Variants in POLR3B observed in about 807,000 individuals in gnomAD.
POLR3B encodes the protein DNA-directed RNA polymerase III subunit RPC2.
A neutral mutation model predicts 147.4 loss-of-function variants in POLR3B; 96 were observed. That is an observed-to-expected ratio of 0.65 (90% CI 0.55 to 0.77). The LOEUF is 0.77. POLR3B is among the 30% of genes least tolerant of loss of function. The pLI is 0.00. For synonymous variants in POLR3B, 461 were observed against 485.9 expected (o/e 0.95, Z 0.67); for missense variants, 1,036 against 1,413.5 (o/e 0.73, Z 4.28).
chr12:106,471,450 G>T (rs761651744), intron 23 of POLR3B, among the ~76,000 whole-genome samples: 1 of 152,122 alleles, frequency 6.6e-6, no homozygotes, highest in Non-Finnish European at 1.5e-5. Flanking sequence ...CCCTGCTTCA[G>T]CTTGCCTTCC....
At chr12:106,369,553 G>A (rs373067952) in intron 5 of POLR3B, 30 bp from the exon 6 acceptor site, 53 of 1,427,512 alleles carry the variant, frequency 3.7e-5, no homozygotes, top group Non-Finnish European at 4.9e-5. Flanking sequence ...GAGAGGAGCA[G>A]TAACTGTCAG....
At chr12:106,434,638 C>CA (rs1216596781) in intron 16 of POLR3B, among the ~76,000 whole-genome samples, 4 of 151,864 alleles carry the variant, frequency 2.6e-5, no homozygotes, top group Non-Finnish European at 5.9e-5. Flanking sequence ...CAGCTGAGGA[C>CA]ATTGCCTTGT....
intron 19 of POLR3B, chr12:106,446,417 C>CA (rs10654233): frequency 0.016 from 2,481 of 158,212 alleles, 36 homozygotes; most frequent in South Asian, 0.033. Flanking sequence ...CCTCTCCCCA[C>CA]AAAAAAAAAA....
Position 106,471,940 on chromosome 12 carries a change from C to T in POLR3B, c.2713+8320C>T, listed in dbSNP as rs568959710. 1.1e-3 allele frequency among the ~76,000 whole-genome samples: 159 copies of T among 139,372 alleles called. 1 individual carries two copies. The highest frequency in any genetic ancestry group is 2.7e-4 in the Non-Finnish European group (17 of 64,034). The allele number at this position is 139,372 out of a possible 152,430, so 91.4% of individuals were successfully genotyped here. A position where few individuals can be genotyped will look rare whatever the true frequency, so the allele number is the denominator to read the frequency against. ...GGTTAGTTACATATGTATACATGTG[C>T]CATGCTGGTGCGCTGCACCCACTAA... is the stretch of plus-strand genomic sequence containing the variant. On this transcript the variant is annotated intron_variant, in intron 23 of 27. Transcript: ENST00000228347.
chr12:106,426,222 T>TGTGTGTGTGTGTG (rs1555213087), intron 12 of POLR3B, among the ~76,000 whole-genome samples: 4 of 131,222 alleles, frequency 3.0e-5, no homozygotes, highest in South Asian at 5.5e-4. Flanking sequence ...GGCCTGCAAT[T>TGTGTGTGTGTGTG]TGTGTGTGTG....
intron 4 of POLR3B, among the ~76,000 whole-genome samples, chr12:106,367,102 C>CA (rs1169705900): frequency 1.3e-5 from 2 of 150,998 alleles, no homozygotes; most frequent in Non-Finnish European, 2.9e-5. Context: ...GACTCTGACT[C>CA]AAAAAAATAA....
rs914729733 is a variant in POLR3B, at chr12:106,504,872, G to T, written c.3272+618G>T. 1.3e-5 allele frequency among the ~76,000 whole-genome samples: 2 copies of T among 152,084 alleles called. No individual in the cohort carries two copies. The highest frequency in any genetic ancestry group is 2.4e-5 in the African/African-American group (1 of 41,408). ...TGCTAAGTGTCAGACACTGTTCTAG[G>T]CCCTAGAAATGCAGCAGTGAACAAG... is the stretch of plus-strand genomic sequence containing the variant. On this transcript the variant is annotated intron_variant, in intron 27 of 27. Coordinates refer to ENST00000228347, the MANE Select transcript of POLR3B (RefSeq NM_018082.6). The surrounding 1 kb of genome is among the most constrained non-coding windows in gnomAD (Gnocchi z 4.6).
At chr12:106,468,141 G>A (rs1321750235) in intron 23 of POLR3B, among the ~76,000 whole-genome samples, 5 of 152,102 alleles carry the variant, frequency 3.3e-5, no homozygotes, top group African/African-American at 1.2e-4. Context: ...CCTGTTATTG[G>A]TCTATTCAGA....
chr12:106,400,830 G>T (rs1439404669), intron 10 of POLR3B, among the ~76,000 whole-genome samples: 1 of 152,204 alleles, frequency 6.6e-6, no homozygotes, highest in African/African-American at 2.4e-5. Flanking sequence ...AAAGCAGTGT[G>T]TAGAGGGAAA....
chr12:106,364,978 A>G (rs2036514759), intron 2 of POLR3B, among the ~76,000 whole-genome samples: 1 of 152,148 alleles, frequency 6.6e-6, no homozygotes, highest in Non-Finnish European at 1.5e-5. Context: ...TACTAAAGAT[A>G]CAAAAAATTA....
chr12:106,389,599 A>G (rs1012631333), intron 9 of POLR3B, among the ~76,000 whole-genome samples: 1 of 123,436 alleles, frequency 8.1e-6, no homozygotes, highest in Non-Finnish European at 1.6e-5. Context: ...TTAGGATTTC[A>G]GGTTTTTTTT....
rs776736710 is a variant in POLR3B, at chr12:106,369,608, C to T, written c.329C>T (p.Ser110Phe). 6.2e-7 allele frequency: 1 copy of T among 1,611,914 alleles called. No individual in the cohort carries two copies. Among genetic ancestry groups the T allele is most frequent in the East Asian group, 2.2e-5 (1 of 44,868 alleles). The stretch of plus-strand genomic sequence containing the variant: ...TGCCGTTTGAGAGACATGACATACT[C>T]TGCCCCTATTACAGTGGATATTGAA... ...HECRLRDMTYSAPITVDIEYT... is the reference protein window; with the variant it reads ...HECRLRDMTYFAPITVDIEYT... Residue 110 changes from serine to phenylalanine, a missense_variant, in exon 6 of 28, where the codon TCT (serine) becomes TTT (phenylalanine). By Grantham distance (155) the Ser-to-Phe change is radical. Coordinates refer to ENST00000228347, the MANE Select transcript of POLR3B (RefSeq NM_018082.6).
intron 10 of POLR3B, 102 bp downstream of exon 10, chr12:106,393,255 T>A: frequency 6.6e-7 from 1 of 1,518,786 alleles, no homozygotes; most frequent in Non-Finnish European, 9.1e-7. Flanking sequence ...GCTCATAGAT[T>A]TGGGAAAGGT....
At chr12:106,380,659 G>A (rs1185865481) in intron 9 of POLR3B, among the ~76,000 whole-genome samples, 3 of 152,282 alleles carry the variant, frequency 2.0e-5, no homozygotes, top group East Asian at 3.9e-4. Context: ...TGAGATGGGA[G>A]GATCACACAA....
chr12:106,372,362 G>A (rs1257453497), intron 6 of POLR3B, among the ~76,000 whole-genome samples: 1 of 140,796 alleles, frequency 7.1e-6, no homozygotes, highest in Non-Finnish European at 1.5e-5. Flanking sequence ...TTTTTGAGAT[G>A]GAATTCACTC....
At position 106,366,687 on chromosome 12, in the gene POLR3B, G is replaced by T; in HGVS notation, c.192G>T (p.Lys64Asn). ...AGAAGATAATGAAAGCCAATGAAAA[G>T]GTTACAAGTGACGCTGACCCTATGT... ...EIKKIMKANE[K>N]VTSDADPMWY... is the part of the protein sequence containing the mutation. The change falls in exon 4 of 28, where the codon AAG becomes AAT. Residue 64 changes from lysine (K) to asparagine (N), a missense_variant. Physicochemically the swap from Lys to Asn is moderately conservative, Grantham distance 94. Transcript: ENST00000228347. 1.9e-6 allele frequency: 3 copies of T among 1,613,818 alleles called. No homozygotes were observed. Among genetic ancestry groups the T allele is most frequent in the Non-Finnish European group, 2.5e-6 (3 of 1,179,738 alleles).
At chr12:106,447,167 C>T (rs1234577514) in intron 19 of POLR3B, among the ~76,000 whole-genome samples, 14 of 152,084 alleles carry the variant, frequency 9.2e-5, no homozygotes, top group Admixed American at 2.6e-4. Context: ...CCATGTATAA[C>T]GTGCAAGATA....
intron 4 of POLR3B, among the ~76,000 whole-genome samples, chr12:106,368,270 A>G (rs1487471777): frequency 6.6e-6 from 1 of 151,774 alleles, no homozygotes; most frequent in Non-Finnish European, 1.5e-5. Flanking sequence ...TCTCCCTTTT[A>G]TTGGAAAATA....
At chr12:106,380,516 A>C (rs1593007858) in intron 9 of POLR3B, among the ~76,000 whole-genome samples, 1 of 152,182 alleles carries the variant, frequency 6.6e-6, no homozygotes, top group South Asian at 2.1e-4. Context: ...CTGGGAGGCA[A>C]AGGTTGCAGT....
Sources: gnomAD v4.1 joint callset for allele counts (sites outside exome capture counted in the v4.1 genomes callset) on GRCh38, gnomAD v4.1.1 for gene constraint, Gnocchi (gnomAD v3.1) non-coding constraint, MANE v1.5 for transcripts, NCBI Gene and HGNC (gene_info 2026-07-23, HGNC 2026-07-21) for gene names.